ANKS6: variants seen among roughly 807,000 people sequenced by gnomAD.
The protein encoded by ANKS6 is ankyrin repeat and SAM domain-containing protein 6.
ANKS6 carries 47 observed loss-of-function variants against 77.9 expected under a neutral mutation model. The ratio of observed to expected loss-of-function variants is 0.60; its 90% CI spans 0.48 to 0.77. The LOEUF is 0.77. Ranked by LOEUF, ANKS6 falls within the 30% of genes least tolerant of loss-of-function variation. The probability of loss-of-function intolerance (pLI) is 0.00; values close to 1 mark genes in which losing one functional copy is unlikely to be tolerated. For missense variants in ANKS6, 1,150 were observed against 1,159.1 expected (o/e 0.99, Z 0.11); for synonymous variants, 488 against 501.7 (o/e 0.97, Z 0.37).
At chr9:98,744,864 A>G (rs1485363196) in intron 14 of ANKS6, among the ~76,000 whole-genome samples, 2 of 137,966 alleles carry the variant, frequency 1.4e-5, no homozygotes, top group Non-Finnish European at 3.0e-5. Context: ...TTGTTGCTGG[A>G]AAAAAAAAAA....
At chr9:98,770,656 A>T (rs1490125850) in intron 10 of ANKS6, among the ~76,000 whole-genome samples, 1 of 152,150 alleles carries the variant, frequency 6.6e-6, no homozygotes, top group African/African-American at 2.4e-5. Context: ...AAATTTTACA[A>T]GAAAAAAAAA....
At chr9:98,788,652 C>T (rs1337496925) in intron 2 of ANKS6, among the ~76,000 whole-genome samples, 1 of 152,218 alleles carries the variant, frequency 6.6e-6, no homozygotes, top group Non-Finnish European at 1.5e-5. Flanking sequence ...TGCTCACCAC[C>T]ACCCCGTAGT....
At chr9:98,767,025 G>A (rs556165941) in intron 11 of ANKS6, among the ~76,000 whole-genome samples, 13 of 152,284 alleles carry the variant, frequency 8.5e-5, no homozygotes, top group Non-Finnish European at 1.5e-4. Context: ...CTAGGAACCC[G>A]CACTCTGGGG....
chr9:98,795,508 C>A (rs1045229118), intron 1 of ANKS6, among the ~76,000 whole-genome samples: 2 of 152,162 alleles, frequency 1.3e-5, no homozygotes, highest in Non-Finnish European at 2.9e-5. Flanking sequence ...ATACATTCTA[C>A]GCATACCTCA....
chr9:98,757,286 T>C (rs1406155753), intron 11 of ANKS6, among the ~76,000 whole-genome samples: 1 of 152,190 alleles, frequency 6.6e-6, no homozygotes, highest in South Asian at 2.1e-4. Context: ...TATGTCCTTA[T>C]GCTGGTCCAA....
chr9:98,745,539 C>G lies in ANKS6; in HGVS notation c.2511+20G>C. 6.3e-7 allele frequency: 1 copy of G among 1,599,734 alleles called. No homozygotes were observed. The highest frequency in any genetic ancestry group is 1.1e-5 in the South Asian group (1 of 90,792). On this transcript the variant is annotated intron_variant, in intron 14 of 14. Transcript: ENST00000353234. ...CTCAGATGTCTGAAACACGGAAATA[C>G]AAGAAACAGAGAACGGTACCTTGCC...
chr9:98,754,281 T>C lies in ANKS6; in HGVS notation c.2326+2139A>G, dbSNP rs148004052. ...GAGAGGAGGAATGCAGATGGAGACA[T>C]GAGGCAGGGAAAAGCTCACGTGTCC... is the stretch of plus-strand genomic sequence containing the variant. On this transcript the variant is annotated intron_variant, in intron 12 of 14. Coordinates refer to ENST00000353234, the MANE Select transcript of ANKS6 (RefSeq NM_173551.5). Among the ~76,000 whole-genome samples, 853 of 152,256 alleles carry C rather than the reference T, an allele frequency of 5.6e-3. 7 individuals are homozygous for C. Among genetic ancestry groups the C allele is most frequent in the East Asian group, 0.026 (136 of 5,176 alleles).
chr9:98,750,927 G>C (rs1832393998), intron 13 of ANKS6, 102 bp downstream of exon 13: 1 of 890,686 alleles, frequency 1.1e-6, no homozygotes. Context: ...CTGTCTCAGT[G>C]CAAGAGATCA....
chr9:98,784,375 G>A (rs1834450043), intron 3 of ANKS6: 2 of 469,002 alleles, frequency 4.3e-6, no homozygotes, highest in South Asian at 9.5e-5. Flanking sequence ...GGGCAGAAGT[G>A]TTACCAAAAG....
chr9:98,735,248 T>G lies in ANKS6; in HGVS notation c.*1271A>C. On this transcript the variant is annotated 3_prime_UTR_variant, in exon 15 of 15. Transcript: ENST00000353234. ...AGTCCAGAGCACAAGGTCTGCCCAC[T>G]CTACCATGCTGCCTCTCAATGTCGG... The G allele has an allele frequency of 1.0e-6, 1 of 987,728 alleles. No homozygotes were observed. 61.2% of individuals were successfully genotyped at this position (987,728 alleles called of 1,614,324 possible). A position where few individuals can be genotyped will look rare whatever the true frequency, so the allele number is the denominator to read the frequency against.
At chr9:98,785,654 G>C (rs1397711709) in intron 2 of ANKS6, among the ~76,000 whole-genome samples, 2 of 152,158 alleles carry the variant, frequency 1.3e-5, no homozygotes, top group Non-Finnish European at 2.9e-5. Flanking sequence ...CAGTCTGCTT[G>C]CTGGGGGGCT....
At chr9:98,744,535 G>A (rs1476431231) in intron 14 of ANKS6, among the ~76,000 whole-genome samples, 2 of 152,186 alleles carry the variant, frequency 1.3e-5, no homozygotes, top group African/African-American at 4.8e-5. Flanking sequence ...GGAAACGTAT[G>A]CAGTGATTTG....
At chr9:98,776,557 T>C (rs558116009) in intron 8 of ANKS6, among the ~76,000 whole-genome samples, 8 of 152,180 alleles carry the variant, frequency 5.3e-5, no homozygotes, top group South Asian at 2.1e-4. Flanking sequence ...CCCACCACCA[T>C]GCCCAGCTAA....
rs1364048300 is a variant in ANKS6, at chr9:98,734,752, CAAAGGT to C, written c.*1761_*1766del. 2.0e-6 allele frequency: 2 copies of C among 980,790 alleles called. No individual in the cohort carries two copies. Among genetic ancestry groups the C allele is most frequent in the Non-Finnish European group, 2.4e-6 (2 of 825,910 alleles). 60.8% of individuals were successfully genotyped at this position (980,790 alleles called of 1,614,324 possible). A position where few individuals can be genotyped will look rare whatever the true frequency, so the allele number is the denominator to read the frequency against. ...CAGGGTGGCCATGAGGATGAAATGA[CAAAGGT>C]AAAGCTGCCAGCACATAGTAGGGGA... On this transcript the variant is annotated 3_prime_UTR_variant, in exon 15 of 15. Coordinates refer to ENST00000353234, the MANE Select transcript of ANKS6 (RefSeq NM_173551.5).
intron 5 of ANKS6, among the ~76,000 whole-genome samples, chr9:98,781,484 C>A (rs990820052): frequency 6.6e-6 from 1 of 152,182 alleles, no homozygotes; most frequent in African/African-American, 2.4e-5. Context: ...GGAGTAGGAT[C>A]ACTGGACTTG....
chr9:98,781,535 C>T (rs919060285), intron 5 of ANKS6, among the ~76,000 whole-genome samples: 1 of 152,160 alleles, frequency 6.6e-6, no homozygotes, highest in Non-Finnish European at 1.5e-5. Flanking sequence ...CAGATCACTT[C>T]CCGAGTCTTG....
intron 9 of ANKS6, 93 bp downstream of exon 9, chr9:98,773,784 G>A: frequency 8.1e-7 from 1 of 1,227,512 alleles, no homozygotes; most frequent in Non-Finnish European, 1.1e-6. Flanking sequence ...CAACCCCTCT[G>A]GATTCGTCGG....
intron 11 of ANKS6, among the ~76,000 whole-genome samples, chr9:98,763,664 A>C (rs1564196084): frequency 6.6e-6 from 1 of 152,072 alleles, no homozygotes; most frequent in East Asian, 1.9e-4. Flanking sequence ...ACAGAAAAAC[A>C]GAGAAAATCA....
intron 8 of ANKS6, among the ~76,000 whole-genome samples, chr9:98,776,230 A>G (rs1054417462): frequency 3.3e-5 from 5 of 152,030 alleles, no homozygotes; most frequent in Non-Finnish European, 7.4e-5. Context: ...AACCATAACC[A>G]TGAGGGATCC....
Sources: allele counts gnomAD v4.1 joint callset (sites outside exome capture counted in the v4.1 genomes callset), GRCh38; gene constraint gnomAD v4.1.1; transcripts MANE v1.5; gene names NCBI Gene and HGNC (gene_info 2026-07-23, HGNC 2026-07-21).